The following MTX2 variants were observed in gnomAD, a reference collection of about 807,000 sequenced individuals.
MTX2 encodes the protein metaxin-2.
MTX2 carries 35 observed loss-of-function variants against 42.3 expected under a neutral mutation model. That is an observed-to-expected ratio of 0.83 (90% CI 0.63 to 1.10). MTX2 has a LOEUF of 1.10. MTX2 is among the 50% of genes least tolerant of loss of function. MTX2 has a pLI of 0.00. For missense variants in MTX2, 307 were observed against 304.1 expected, an observed-to-expected ratio of 1.01 and a Z score of -0.07; for synonymous variants, 119 against 100.9, an observed-to-expected ratio of 1.18 and a Z score of -1.08.
chr2:176,315,855 A>G (rs893878716), intron 3 of MTX2, among the ~76,000 whole-genome samples: 4 of 152,096 alleles, frequency 2.6e-5, no homozygotes, highest in African/African-American at 9.7e-5. Flanking sequence ...CTAACTTTCT[A>G]AGGTTTATGA....
At chr2:176,316,698 C>A (rs1227974907) in intron 3 of MTX2, among the ~76,000 whole-genome samples, 1 of 152,146 alleles carries the variant, frequency 6.6e-6, no homozygotes, top group Non-Finnish European at 1.5e-5. Context: ...CCACCTTGCC[C>A]AGCCAACCTT....
chr2:176,274,470 C>T (rs921338857), intron 1 of MTX2, among the ~76,000 whole-genome samples: 11 of 152,238 alleles, frequency 7.2e-5, no homozygotes, highest in Admixed American at 4.6e-4. Flanking sequence ...TAGTATTACT[C>T]GGATGGGTAT....
At chr2:176,297,932 C>A in intron 3 of MTX2, 37 bp downstream of exon 3, 1 of 1,476,044 alleles carries the variant, frequency 6.8e-7, no homozygotes, top group Non-Finnish European at 9.1e-7. Context: ...TTTTCACCCC[C>A]TAGGTGGTTT....
At chr2:176,280,312 G>A (rs941179213) in intron 1 of MTX2, among the ~76,000 whole-genome samples, 2 of 152,320 alleles carry the variant, frequency 1.3e-5, no homozygotes, top group African/African-American at 4.8e-5. Context: ...ATTTATAAAC[G>A]TAATATGGTC....
chr2:176,320,603 A>G (rs1261181931), intron 3 of MTX2, among the ~76,000 whole-genome samples: 1 of 151,670 alleles, frequency 6.6e-6, no homozygotes, highest in South Asian at 2.1e-4. Context: ...CTGATTCCCC[A>G]CCACCTCTTG....
chr2:176,290,728 G>T (rs1575038680), intron 1 of MTX2, among the ~76,000 whole-genome samples: 1 of 149,422 alleles, frequency 6.7e-6, no homozygotes, highest in Non-Finnish European at 1.5e-5. Context: ...TCAACTTTGG[G>T]CACTCCTAGG....
At chr2:176,324,823 G>C (rs1358767010) in intron 4 of MTX2, among the ~76,000 whole-genome samples, 1 of 151,714 alleles carries the variant, frequency 6.6e-6, no homozygotes, top group Non-Finnish European at 1.5e-5. Context: ...CCTATAGGTA[G>C]ATGAAAATGG....
chr2:176,334,165 G>C (rs565470502), intron 9 of MTX2, among the ~76,000 whole-genome samples: 1 of 151,626 alleles, frequency 6.6e-6, no homozygotes, highest in South Asian at 2.1e-4. Flanking sequence ...ACCACTTCAG[G>C]GGTACTTCTG....
intron 3 of MTX2, among the ~76,000 whole-genome samples, chr2:176,320,721 G>T (rs1446148007): frequency 2.1e-5 from 3 of 146,020 alleles, no homozygotes; most frequent in African/African-American, 5.1e-5. Flanking sequence ...TTGAGACAGG[G>T]TCTTGTTGTA....
chr2:176,294,102 A>G (rs1256989138), intron 1 of MTX2, among the ~76,000 whole-genome samples: 2 of 152,078 alleles, frequency 1.3e-5, no homozygotes, highest in Non-Finnish European at 2.9e-5. Flanking sequence ...TGAGTGAAAT[A>G]TTCACCCTTT....
chr2:176,285,901 A>G (rs1378547719), intron 1 of MTX2, among the ~76,000 whole-genome samples: 1 of 152,178 alleles, frequency 6.6e-6, no homozygotes, highest in African/African-American at 2.4e-5. Context: ...GTGAATACAT[A>G]GGAGTGTAAT....
At chr2:176,337,003 T>C (rs1186061494) in intron 9 of MTX2, among the ~76,000 whole-genome samples, 1 of 152,166 alleles carries the variant, frequency 6.6e-6, no homozygotes, top group African/African-American at 2.4e-5. Context: ...GAAAAAATGG[T>C]GCAGTGTTTG....
At chr2:176,269,757 T>C in intron 1 of MTX2, 88 bp downstream of exon 1, 1 of 1,444,374 alleles carries the variant, frequency 6.9e-7, no homozygotes, top group Non-Finnish European at 9.2e-7. Flanking sequence ...CCTCCAGCCT[T>C]GCGGCATTAT....
In MTX2 at chr2:176,296,911, A is replaced by G. The variant is rs750006696; in HGVS notation, c.88+4A>G. 1 of 1,612,200 alleles carries G rather than the reference A, an allele frequency of 6.2e-7. No homozygotes were observed. The highest frequency in any genetic ancestry group is 8.5e-7 in the Non-Finnish European group (1 of 1,178,460). On this transcript the variant is annotated splice_donor_region_variant and intron_variant, in intron 2 of 9. Coordinates refer to ENST00000249442, the MANE Select transcript of MTX2 (RefSeq NM_006554.5). ...ACATTATATCAGCAATTGAAAGGTAAGTCTTGTTCACAATTAAAAATGGCT... is the reference window on the plus strand; with the variant it reads ...ACATTATATCAGCAATTGAAAGGTAGGTCTTGTTCACAATTAAAAATGGCT...
chr2:176,281,066 G>A (rs1693067456), intron 1 of MTX2, among the ~76,000 whole-genome samples: 1 of 152,212 alleles, frequency 6.6e-6, no homozygotes, highest in Non-Finnish European at 1.5e-5. Context: ...ATCTTCTGGT[G>A]AGGACTGATA....
chr2:176,319,598 T>C (rs1481939725), intron 3 of MTX2, among the ~76,000 whole-genome samples: 3 of 151,978 alleles, frequency 2.0e-5, no homozygotes, highest in African/African-American at 4.8e-5. Context: ...TTTTTTGAGA[T>C]GGAGTCTTGC....
At chr2:176,336,564 TTAGAG>T (rs1684992419) in intron 9 of MTX2, among the ~76,000 whole-genome samples, 1 of 152,168 alleles carries the variant, frequency 6.6e-6, no homozygotes, top group Admixed American at 6.6e-5. Flanking sequence ...TGTACATGTC[TTAGAG>T]TATTTTTCTT....
At chr2:176,279,454 T>A (rs1432352330) in intron 1 of MTX2, among the ~76,000 whole-genome samples, 2 of 152,162 alleles carry the variant, frequency 1.3e-5, no homozygotes, top group Non-Finnish European at 2.9e-5. Context: ...CTTTTGATTG[T>A]TAGCTTTTAT....
chr2:176,318,934 A>G (rs536226693), intron 3 of MTX2, among the ~76,000 whole-genome samples: 13 of 152,350 alleles, frequency 8.5e-5, no homozygotes, highest in African/African-American at 3.1e-4. Flanking sequence ...TGACTAGGGA[A>G]CTGAATTTAA....
Sources: gnomAD v4.1 joint callset for allele counts (sites outside exome capture counted in the v4.1 genomes callset) on GRCh38, gnomAD v4.1.1 for gene constraint, MANE v1.5 for transcripts, NCBI Gene and HGNC (gene_info 2026-07-23, HGNC 2026-07-21) for gene names.